The following CCDC141 variants were observed in gnomAD, a reference collection of about 807,000 sequenced individuals.
CCDC141 encodes the protein coiled-coil domain containing 141, also known as coiled-coil domain-containing protein 141.
In CCDC141, 168 loss-of-function variants were observed where a neutral mutation model predicts 181.0. The ratio of observed to expected loss-of-function variants is 0.93; its 90% CI spans 0.82 to 1.05. The LOEUF is 1.05. CCDC141 is among the 50% of genes least tolerant of loss of function. CCDC141 has a pLI of 0.00. For missense variants in CCDC141, 1,902 were observed against 1,788.5 expected (o/e 1.06, Z -1.14); for synonymous variants, 666 against 642.3 (o/e 1.04, Z -0.56).
Position 178,850,136 on chromosome 2 carries a change from A to G in CCDC141, c.3270T>C (p.Ile1090=), listed in dbSNP as rs1220852272. ...CTTTGTGTTTTGTCACTATTTTCTCAATATATTTCTGTCCTTCTTCCAAAC... is the reference window on the plus strand; with the variant it reads ...CTTTGTGTTTTGTCACTATTTTCTCGATATATTTCTGTCCTTCTTCCAAAC... ...LYGLEEGQKY[I]EKIVTKHKEV... is the part of the protein sequence containing the mutation. Residue 1090 remains isoleucine (I), a synonymous_variant, in exon 21 of 24, where the codon ATT becomes ATC. Transcript: ENST00000443758. 1 of 1,606,922 alleles carries G rather than the reference A, an allele frequency of 6.2e-7. No homozygotes were observed.
At chr2:178,870,231 CAAAAA>C (rs34625707) in intron 14 of CCDC141, among the ~76,000 whole-genome samples, 9 of 60,290 alleles carry the variant, frequency 1.5e-4, no homozygotes, top group African/African-American at 4.2e-4. Context: ...GACTCTGTCT[CAAAAA>C]AAAAAAAAAA....
At position 178,978,540 on chromosome 2, in the gene CCDC141, C is replaced by A; in HGVS notation, c.361G>T (p.Glu121Ter). The change falls in exon 3 of 24, where the codon GAA (glutamate) becomes TAA (stop). Residue 121 changes from glutamate (E) to a stop codon, truncating the protein, a stop_gained. Transcript: ENST00000443758. LOFTEE classifies it high-confidence loss of function. ...EAWAALVSML[E>*]RRTELLRLTS... ...AACCTAAGGAGCTCTGTTCTTCTTT[C>A]AAGCATGGACACCAGAGCTGCCCAT... The A allele has an allele frequency of 1.3e-6, 2 of 1,543,032 alleles. No individual in the cohort carries two copies. Among genetic ancestry groups the A allele is most frequent in the Non-Finnish European group, 1.7e-6 (2 of 1,144,216 alleles).
At chr2:178,926,033 TA>T (rs895991704) in intron 6 of CCDC141, among the ~76,000 whole-genome samples, 2 of 152,164 alleles carry the variant, frequency 1.3e-5, no homozygotes, top group African/African-American at 4.8e-5. Context: ...TAGACTTTTT[TA>T]AAAAGGCTCT....
At chr2:178,888,815 A>G (rs1558957424) in intron 8 of CCDC141, 147 bp from the exon 9 acceptor site, 1 of 756,686 alleles carries the variant, frequency 1.3e-6, no homozygotes, top group South Asian at 2.0e-5. Context: ...TCATCTCGGC[A>G]TAGCAGGAAG....
At chr2:179,000,569 T>C (rs2041939509) in intron 2 of CCDC141, among the ~76,000 whole-genome samples, 1 of 152,166 alleles carries the variant, frequency 6.6e-6, no homozygotes, top group African/African-American at 2.4e-5. Flanking sequence ...AGAAATAATA[T>C]TTTTAGTGGC....
chr2:178,852,618 T>G (rs1382676457), intron 20 of CCDC141, among the ~76,000 whole-genome samples: 2 of 152,214 alleles, frequency 1.3e-5, no homozygotes, highest in Non-Finnish European at 2.9e-5. Context: ...TGGATAGTGT[T>G]TCATGTTATA....
At chr2:178,851,098 C>T (rs779186659) in intron 20 of CCDC141, among the ~76,000 whole-genome samples, 27 of 150,534 alleles carry the variant, frequency 1.8e-4, no homozygotes, top group Non-Finnish European at 3.4e-4. Context: ...CTCAGCTACT[C>T]GGGAGGCTGA....
chr2:178,853,228 A>G (rs532075498), intron 20 of CCDC141, among the ~76,000 whole-genome samples: 22 of 152,312 alleles, frequency 1.4e-4, no homozygotes, highest in South Asian at 4.1e-4. Context: ...CAAAGTAGGT[A>G]AAAATCTGCA....
At chr2:178,815,827 T>C in the CCDC141 span, among the ~76,000 whole-genome samples, 1 of 152,190 alleles carries the variant, frequency 6.6e-6, no homozygotes, top group Non-Finnish European at 1.5e-5. Context: ...ATTTGTGATA[T>C]GCATTTTGTT....
At chr2:178,938,026 G>A (rs1057410375) in intron 6 of CCDC141, among the ~76,000 whole-genome samples, 4 of 151,920 alleles carry the variant, frequency 2.6e-5, no homozygotes, top group African/African-American at 9.7e-5. Context: ...TGGATTCATT[G>A]ATCTTTTGAA....
intron 2 of CCDC141, among the ~76,000 whole-genome samples, chr2:179,038,508 A>G (rs2043205895): frequency 6.6e-6 from 1 of 152,196 alleles, no homozygotes; most frequent in Non-Finnish European, 1.5e-5. Context: ...TAAAATGGCA[A>G]ATTATATGTT....
chr2:179,003,838 A>G, intron 2 of CCDC141, among the ~76,000 whole-genome samples: 1 of 152,188 alleles, frequency 6.6e-6, no homozygotes, highest in Non-Finnish European at 1.5e-5. Flanking sequence ...AGAAACATGT[A>G]TGTTAGAATA....
chr2:178,886,216 A>T (rs1283575188), intron 10 of CCDC141, among the ~76,000 whole-genome samples: 1 of 151,984 alleles, frequency 6.6e-6, no homozygotes, highest in Non-Finnish European at 1.5e-5. Flanking sequence ...AGCAGACAGA[A>T]ACTTCAGGGC....
At chr2:178,817,544 C>G in the CCDC141 span, 5 of 470,862 alleles carry the variant, frequency 1.1e-5, no homozygotes, top group Non-Finnish European at 2.2e-5. Flanking sequence ...CTCCAGGTAC[C>G]ACTTAGAAGT....
At chr2:178,969,210 C>A (rs1427048576) in intron 4 of CCDC141, among the ~76,000 whole-genome samples, 2 of 151,176 alleles carry the variant, frequency 1.3e-5, no homozygotes, top group African/African-American at 4.9e-5. Context: ...TGAAACTATT[C>A]CAAACAATAG....
At chr2:178,848,602 C>A (rs12622500) in intron 21 of CCDC141, among the ~76,000 whole-genome samples, 1 of 151,978 alleles carries the variant, frequency 6.6e-6, no homozygotes, top group Non-Finnish European at 1.5e-5. Context: ...AAGGTAAAAG[C>A]TGGAAAGGGA....
At chr2:178,864,290 A>T (rs1412534323) in intron 17 of CCDC141, among the ~76,000 whole-genome samples, 2 of 152,178 alleles carry the variant, frequency 1.3e-5, no homozygotes, top group Non-Finnish European at 2.9e-5. Context: ...CACTTTAAGG[A>T]AAGACTGTAA....
intron 17 of CCDC141, among the ~76,000 whole-genome samples, chr2:178,861,635 C>CAAA (rs550382240): frequency 2.1e-4 from 21 of 98,098 alleles, no homozygotes; most frequent in African/African-American, 4.9e-4. Context: ...GACTCAGTCT[C>CAAA]AAAAAAAAAA....
intron 2 of CCDC141, among the ~76,000 whole-genome samples, chr2:178,981,371 T>A (rs1027963417): frequency 4.9e-5 from 7 of 142,644 alleles, no homozygotes; most frequent in Non-Finnish European, 1.1e-4. Context: ...TACCAAAATT[T>A]TAAAAACAGA....
Sources: gnomAD v4.1 joint callset for allele counts (sites outside exome capture counted in the v4.1 genomes callset) on GRCh38, gnomAD v4.1.1 for gene constraint, MANE v1.5 for transcripts, NCBI Gene and HGNC (gene_info 2026-07-23, HGNC 2026-07-21) for gene names.